The following TSC1 variants were observed in gnomAD, a reference collection of about 807,000 sequenced individuals.
The protein encoded by TSC1 is hamartin.
A neutral mutation model predicts 124.3 loss-of-function variants in TSC1; 20 were observed. The ratio of observed to expected loss-of-function variants is 0.16; its 90% CI spans 0.11 to 0.23. TSC1 has a LOEUF of 0.23. TSC1 is among the 10% of genes least tolerant of loss of function. TSC1 has a pLI of 1.00. For synonymous variants in TSC1, 493 were observed against 539.1 expected, an observed-to-expected ratio of 0.91 and a Z score of 1.19; for missense variants, 1,124 against 1,448.5, an observed-to-expected ratio of 0.78 and a Z score of 3.64.
Position 132,897,721 on chromosome 9 carries a change from T to C in TSC1, c.2626-111A>G. On this transcript the variant is annotated intron_variant, in intron 20 of 22. Transcript: ENST00000298552. ...GGACTGAGAAGGCATTTTAGTATAC[T>C]GATAACAGAAATATAAACTAGTACA... 5 of 1,405,748 alleles carry C rather than the reference T, an allele frequency of 3.6e-6. No homozygotes were observed. In the South Asian group the frequency reaches 3.9e-5, roughly 11 times the overall value. 87.1% of individuals were successfully genotyped at this position (1,405,748 alleles called of 1,614,324 possible).
Position 132,905,960 on chromosome 9 carries a change from G to A in TSC1, c.1618C>T (p.Leu540=), listed in dbSNP as rs2131837551. 2 of 1,614,118 alleles carry A rather than the reference G, an allele frequency of 1.2e-6. No homozygotes were observed. Among genetic ancestry groups the A allele is most frequent in the South Asian group, 1.1e-5 (1 of 91,080 alleles). The change falls in exon 15 of 23, where the codon CTG becomes TTG. Residue 540 remains leucine, a synonymous_variant. Transcript: ENST00000298552. ...SVNPEPLHSS[L]DKLGPDTPKQ... The stretch of plus-strand genomic sequence containing the variant: ...GGTGTGTCAGGCCCAAGCTTGTCCA[G>A]GGAGGAGTGTAAAGGCTCAGGGTTC...
In TSC1 at chr9:132,912,246, G is replaced by A. The variant is rs759061417; in HGVS notation, c.913+36C>T. 11 of 1,611,064 alleles carry A rather than the reference G, an allele frequency of 6.8e-6. No homozygotes were observed. The African/African-American group carries it at 1.5e-4, about 22-fold the overall frequency. On this transcript the variant is annotated intron_variant, in intron 9 of 22. Transcript: ENST00000298552. ...ACAAATAATGTTTTCCAGAGACAAAGTTGCAAAACAGATAAGTACCAAAGA... is the reference window on the plus strand; with the variant it reads ...ACAAATAATGTTTTCCAGAGACAAAATTGCAAAACAGATAAGTACCAAAGA...
Position 132,911,468 on chromosome 9 carries a change from T to C in TSC1, c.1014A>G (p.Ile338Met). 2 of 1,613,018 alleles carry C rather than the reference T, an allele frequency of 1.2e-6. No homozygotes were observed. The highest frequency in any genetic ancestry group is 2.2e-5 in the South Asian group (2 of 91,052). ...GACACCATACTTGTGGTGGTTCAGT[T>C]ATCAGCCGTGTCGATGGGGAACTCA... ...QTLSSPSTRLITEPPQATLWS... is the reference protein window; with the variant it reads ...QTLSSPSTRLMTEPPQATLWS... The change falls in exon 10 of 23, where the codon ATA (isoleucine) becomes ATG (methionine). Residue 338 changes from isoleucine to methionine, a missense_variant. Physicochemically the swap from Ile to Met is conservative, Grantham distance 10. Around this residue, in one of 5 missense-constraint regions of TSC1, gnomAD observed 463 missense variants for 606.8 expected, o/e 0.76. Transcript: ENST00000298552.
intron 3 of TSC1, 47 bp downstream of exon 3, chr9:132,928,720 T>C (rs373390352): frequency 3.7e-6 from 6 of 1,609,888 alleles, no homozygotes; most frequent in Non-Finnish European, 4.2e-6. Context: ...CTAAAGTCAA[T>C]CTCTTCTTTC....
intron 5 of TSC1, 63 bp downstream of exon 5, chr9:132,925,524 G>A (rs2132226745): frequency 1.2e-6 from 2 of 1,600,126 alleles, no homozygotes; most frequent in Non-Finnish European, 1.7e-6. Context: ...GCTTTAAGTT[G>A]CCTAAAATTT....
intron 20 of TSC1, chr9:132,900,029 C>T (rs1273242297): frequency 6.5e-6 from 1 of 152,906 alleles, no homozygotes; most frequent in Non-Finnish European, 1.5e-5. Context: ...AAATTACTCT[C>T]TCCAGTTCTA....
chr9:132,908,797 T>C (rs766823567), intron 12 of TSC1, among the ~76,000 whole-genome samples: 4 of 152,062 alleles, frequency 2.6e-5, no homozygotes, highest in Non-Finnish European at 4.4e-5. Context: ...TCTTTGTTAT[T>C]ACACCAAAAT....
intron 15 of TSC1, 23 bp downstream of exon 15, chr9:132,905,558 A>G: frequency 1.2e-6 from 2 of 1,613,392 alleles, no homozygotes; most frequent in Non-Finnish European, 1.7e-6. Flanking sequence ...TTTAACACAG[A>G]AGAGAGTGCC....
intron 8 of TSC1, among the ~76,000 whole-genome samples, chr9:132,920,657 G>A (rs547768332): frequency 1.3e-5 from 2 of 152,202 alleles, no homozygotes; most frequent in African/African-American, 4.8e-5. Flanking sequence ...CTAAGTGTCA[G>A]TATCCATGGG....
intron 2 of TSC1, among the ~76,000 whole-genome samples, chr9:132,929,923 C>T (rs1328538443): frequency 6.6e-6 from 1 of 152,150 alleles, no homozygotes; most frequent in East Asian, 1.9e-4. Context: ...CTCCAAAGCC[C>T]CAAGCCCTTA....
rs931772542 is a variant in TSC1, at chr9:132,903,418, TG to T, written c.2208+232del. 2.6e-5 allele frequency among the ~76,000 whole-genome samples: 4 copies of T among 152,200 alleles called. No individual in the cohort carries two copies. The highest frequency in any genetic ancestry group is 4.8e-5 in the African/African-American group (2 of 41,454). On this transcript the variant is annotated intron_variant, in intron 17 of 22. Coordinates refer to ENST00000298552, the MANE Select transcript of TSC1 (RefSeq NM_000368.5). The surrounding 1 kb of genome is among the most constrained non-coding windows in gnomAD (Gnocchi z 5.9). ...ATCATCTTCTGACCCTTCATCATCA[TG>T]GCCAGTTACATGCAAACATACACAC...
In TSC1 at chr9:132,903,466, G is replaced by A. The variant is rs572405616; in HGVS notation, c.2208+185C>T. ...ACACACAAAATCACTTGTCCCCACG[G>A]TTTCTGAGAATTATGAGGGAATTCC... On this transcript the variant is annotated intron_variant, in intron 17 of 22. Transcript: ENST00000298552. The surrounding 1 kb of genome is among the most constrained non-coding windows in gnomAD (Gnocchi z 5.9). Among the ~76,000 whole-genome samples the A allele has an allele frequency of 3.3e-5, 5 of 152,292 alleles. No homozygotes were observed. The highest frequency in any genetic ancestry group is 3.3e-4 in the Admixed American group (5 of 15,300).
chr9:132,910,851 T>G (rs958512923), intron 11 of TSC1, 151 bp downstream of exon 11: 1 of 1,341,720 alleles, frequency 7.5e-7, no homozygotes, highest in African/African-American at 1.5e-5. Flanking sequence ...TTAGGTTCAC[T>G]TTACACATTC....
chr9:132,922,567 A>G (rs926724344), intron 6 of TSC1, among the ~76,000 whole-genome samples: 1 of 152,200 alleles, frequency 6.6e-6, no homozygotes, highest in African/African-American at 2.4e-5. Flanking sequence ...AAGAAATTGA[A>G]CATCTTAATT....
chr9:132,926,020 C>G, intron 4 of TSC1: 1 of 455,430 alleles, frequency 2.2e-6, no homozygotes, highest in Admixed American at 3.5e-5. Flanking sequence ...CCCTCAATAA[C>G]CAACAGTCCC....
rs1845467790 is a variant in TSC1 at position 132,903,088 on chromosome 9, A to G, written c.2209-301T>C. ...ATAAAATCTCTCAAACATGGTACTA[A>G]GTTCACTGAAACGATGAGCATTTAC... On this transcript the variant is annotated intron_variant, in intron 17 of 22. Transcript: ENST00000298552. This position sits in a 1 kb window ranked among gnomAD's most constrained non-coding sequence, Gnocchi z 5.9. 6.6e-6 allele frequency among the ~76,000 whole-genome samples: 1 copy of G among 152,214 alleles called. No homozygotes were observed. Among genetic ancestry groups the G allele is most frequent in the Admixed American group, 6.5e-5 (1 of 15,286 alleles).
At chr9:132,930,764 A>G (rs1354694550) in intron 2 of TSC1, among the ~76,000 whole-genome samples, 1 of 152,158 alleles carries the variant, frequency 6.6e-6, no homozygotes, top group Admixed American at 6.6e-5. Flanking sequence ...TTAGAAGTTC[A>G]TTTATCAGAA....
chr9:132,929,084 CAG>C (rs1028273166), intron 2 of TSC1, 132 bp from the exon 3 acceptor site: 5 of 687,778 alleles, frequency 7.3e-6, no homozygotes, highest in African/African-American at 3.6e-5. Flanking sequence ...CTGATTCAAA[CAG>C]TGAGTACATT....
At position 132,925,631 on chromosome 9, in the gene TSC1, G is replaced by A; in HGVS notation, c.319C>T (p.Leu107Phe). The A allele has an allele frequency of 1.2e-6, 2 of 1,614,240 alleles. No homozygotes were observed. Among genetic ancestry groups the A allele is most frequent in the Non-Finnish European group, 1.7e-6 (2 of 1,180,046 alleles). Residue 107 changes from leucine to phenylalanine, a missense_variant, in exon 5 of 23, where the codon CTC (leucine) becomes TTC (phenylalanine). Leu to Phe is a conservative substitution (Grantham distance 22). Coordinates refer to ENST00000298552, the MANE Select transcript of TSC1 (RefSeq NM_000368.5). ...IRLQPSWKHK[L>F]SQAPLLPSLL... ...GAAGGCAAAAGAGGTGCTTGAGAGA[G>A]CTTATGCTTCCAAGATGGCTGCAGT...
Sources: gnomAD v4.1 joint callset for allele counts (sites outside exome capture counted in the v4.1 genomes callset) on GRCh38, gnomAD v4.1.1 for gene constraint, gnomAD v4.1.1 regional missense constraint, Gnocchi (gnomAD v3.1) non-coding constraint, MANE v1.5 for transcripts, NCBI Gene and HGNC (gene_info 2026-07-23, HGNC 2026-07-21) for gene names.